The following C3orf49 variants were observed in gnomAD, a reference collection of about 807,000 sequenced individuals.
The protein encoded by C3orf49 is putative uncharacterized protein C3orf49.
A neutral mutation model predicts 13.3 loss-of-function variants in C3orf49; 27 were observed. The ratio of observed to expected loss-of-function variants is 2.02; its 90% CI spans 1.49 to 2.79. The LOEUF (loss-of-function observed/expected upper bound fraction) is 2.79, where lower values mean the gene tolerates loss of function less well. C3orf49 is among the 30% of genes most tolerant of loss of function. The pLI, the probability that C3orf49 is intolerant of heterozygous loss-of-function variation, is 0.00. For missense variants in C3orf49, 242 were observed against 134.2 expected, an observed-to-expected ratio of 1.80 and a Z score of -3.97; for synonymous variants, 87 against 47.6, an observed-to-expected ratio of 1.83 and a Z score of -3.40.
the C3orf49 span, among the ~76,000 whole-genome samples, chr3:63,781,909 C>T: frequency 1.3e-5 from 2 of 152,132 alleles, no homozygotes; most frequent in Non-Finnish European, 2.9e-5. Context: ...ATTTTACAGA[C>T]ATGGAAATGG....
chr3:63,838,063 CTA>C (rs1328484074), intron 5 of C3orf49: 1 of 1,591,194 alleles, frequency 6.3e-7, no homozygotes, highest in African/African-American at 1.4e-5. Flanking sequence ...ATGCTACATT[CTA>C]TATGAGAAGG....
At position 63,831,202 on chromosome 3, in the gene C3orf49, A is replaced by G; in HGVS notation, c.663A>G (p.Thr221=). The G allele has an allele frequency of 1.4e-6, 1 of 702,924 alleles. No homozygotes were observed. The highest frequency in any genetic ancestry group is 2.6e-6 in the Non-Finnish European group (1 of 384,976). 43.5% of individuals were successfully genotyped at this position (702,924 alleles called of 1,614,324 possible). Residue 221 remains threonine (T), a synonymous_variant, in exon 4 of 7, where the codon ACA becomes ACG. Transcript: ENST00000295896. ...MENILRKSDL[T]VGKLQMQVDD... is the part of the protein sequence containing the mutation. The stretch of plus-strand genomic sequence containing the variant: ...ACATCCTTCGAAAATCAGATTTGAC[A>G]GTAGGAAAGCTTCAAATGCAGGTAG...
the C3orf49 span, among the ~76,000 whole-genome samples, chr3:63,788,199 C>A: frequency 1.3e-5 from 2 of 152,054 alleles, no homozygotes; most frequent in African/African-American, 4.8e-5. Context: ...ATTCATTTAA[C>A]CCTTGAGATA....
intron 5 of C3orf49, among the ~76,000 whole-genome samples, chr3:63,840,398 C>T (rs186331758): frequency 5.1e-4 from 78 of 151,992 alleles, no homozygotes; most frequent in African/African-American, 1.7e-3. Context: ...TTGAGACCAG[C>T]CTGACCAACA....
At chr3:63,825,013 A>C (rs1701448629) in intron 2 of C3orf49, among the ~76,000 whole-genome samples, 2 of 152,090 alleles carry the variant, frequency 1.3e-5, no homozygotes, top group South Asian at 4.1e-4. Context: ...ATGAACCAAT[A>C]TTGATATATT....
At chr3:63,809,210 G>T in the C3orf49 span, among the ~76,000 whole-genome samples, 1 of 152,050 alleles carries the variant, frequency 6.6e-6, no homozygotes, top group South Asian at 2.1e-4. Context: ...TTTTATTTTT[G>T]CTCATTGACT....
At chr3:63,843,848 C>A (rs1701824851) in intron 5 of C3orf49, among the ~76,000 whole-genome samples, 1 of 151,984 alleles carries the variant, frequency 6.6e-6, no homozygotes, top group Non-Finnish European at 1.5e-5. Context: ...TTGCAGTGAA[C>A]CGAGATCACG....
At chr3:63,811,429 AG>A in the C3orf49 span, among the ~76,000 whole-genome samples, 1 of 151,928 alleles carries the variant, frequency 6.6e-6, no homozygotes, top group Non-Finnish European at 1.5e-5. Flanking sequence ...ATGGGGGCGG[AG>A]GCCTGTAATC....
chr3:63,840,826 T>C (rs889235616), intron 5 of C3orf49, among the ~76,000 whole-genome samples: 5 of 152,200 alleles, frequency 3.3e-5, no homozygotes, highest in African/African-American at 1.2e-4. Flanking sequence ...AACTGCACTT[T>C]TATACACTAA....
chr3:63,815,942 T>A (rs1383890128), upstream of C3orf49, among the ~76,000 whole-genome samples: 1 of 151,446 alleles, frequency 6.6e-6, no homozygotes, highest in African/African-American at 2.4e-5. Context: ...TGTGCCACCA[T>A]GCCCAGCTAA....
intron 5 of C3orf49, among the ~76,000 whole-genome samples, chr3:63,832,697 C>T (rs1701549969): frequency 6.6e-6 from 1 of 152,058 alleles, no homozygotes; most frequent in Non-Finnish European, 1.5e-5. Context: ...ATTTTTAATT[C>T]TGAGTCAATA....
At chr3:63,790,790 G>C in the C3orf49 span, among the ~76,000 whole-genome samples, 1 of 151,974 alleles carries the variant, frequency 6.6e-6, no homozygotes, top group South Asian at 2.1e-4. Flanking sequence ...TGTATCTTCA[G>C]GTTTCCCCAG....
chr3:63,814,282 T>C, the C3orf49 span, among the ~76,000 whole-genome samples: 1 of 152,156 alleles, frequency 6.6e-6, no homozygotes, highest in Non-Finnish European at 1.5e-5. Flanking sequence ...CATTTTTAAA[T>C]GTGCGAGTCT....
chr3:63,816,786 T>TC (rs1701330052), upstream of C3orf49, among the ~76,000 whole-genome samples: 1 of 144,360 alleles, frequency 6.9e-6, no homozygotes. Flanking sequence ...TTTTTTTTTT[T>TC]TTGTGAGACA....
intron 2 of C3orf49, among the ~76,000 whole-genome samples, chr3:63,826,131 G>A (rs902586375): frequency 5.3e-5 from 8 of 152,128 alleles, no homozygotes; most frequent in African/African-American, 1.7e-4. Flanking sequence ...AGGTAGTAAG[G>A]GTGTCTGTCA....
At chr3:63,800,072 T>G in the C3orf49 span, among the ~76,000 whole-genome samples, 4 of 152,166 alleles carry the variant, frequency 2.6e-5, no homozygotes, top group South Asian at 8.3e-4. Flanking sequence ...ACCCAGACCT[T>G]AATCATTTTC....
At chr3:63,841,501 C>T (rs1462296277) in intron 5 of C3orf49, among the ~76,000 whole-genome samples, 4 of 152,120 alleles carry the variant, frequency 2.6e-5, no homozygotes, top group Admixed American at 1.3e-4. Context: ...TGTGTGTAGG[C>T]AGAAGTATTT....
At chr3:63,848,138 T>C (rs899338559) in intron 6 of C3orf49, among the ~76,000 whole-genome samples, 7 of 152,230 alleles carry the variant, frequency 4.6e-5, no homozygotes, top group African/African-American at 1.7e-4. Context: ...AAAATGGCCC[T>C]GCAAAGTTGT....
the C3orf49 span, among the ~76,000 whole-genome samples, chr3:63,789,030 A>G: frequency 3.3e-4 from 50 of 152,202 alleles, no homozygotes; most frequent in African/African-American, 1.2e-3. Flanking sequence ...GGGTTCCCCA[A>G]CCCCCAGGCC....
Sources: gnomAD v4.1 joint callset for allele counts (sites outside exome capture counted in the v4.1 genomes callset) on GRCh38, gnomAD v4.1.1 for gene constraint, MANE v1.5 for transcripts, NCBI Gene and HGNC (gene_info 2026-07-23, HGNC 2026-07-21) for gene names.